Variants in CDH18 observed in about 807,000 individuals in gnomAD.
CDH18 encodes the protein cadherin-18.
Under a neutral mutation model 67.9 loss-of-function variants are expected in CDH18, and 31 were observed. That is an observed-to-expected ratio of 0.46 (90% CI 0.34 to 0.62). The LOEUF (loss-of-function observed/expected upper bound fraction) is 0.62, where lower values mean the gene tolerates loss of function less well. Ranked by LOEUF, CDH18 falls within the 20% of genes least tolerant of loss-of-function variation. CDH18 has a pLI of 0.01. For missense variants in CDH18, 890 were observed against 975.5 expected, an observed-to-expected ratio of 0.91 and a Z score of 1.17; for synonymous variants, 362 against 347.2, an observed-to-expected ratio of 1.04 and a Z score of -0.48.
At chr5:19,914,284 C>T (rs1465182666) in intron 2 of CDH18, among the ~76,000 whole-genome samples, 1 of 151,994 alleles carries the variant, frequency 6.6e-6, no homozygotes, top group African/African-American at 2.4e-5. Context: ...TATGCATTTA[C>T]AGTAATGTAA....
At chr5:20,140,852 C>T (rs1750190550) in intron 2 of CDH18, among the ~76,000 whole-genome samples, 1 of 152,072 alleles carries the variant, frequency 6.6e-6, no homozygotes, top group Admixed American at 6.6e-5. Context: ...TACTTATCTC[C>T]CTGTTTTGTG....
chr5:20,265,996 C>A (rs77209848), intron 1 of CDH18, among the ~76,000 whole-genome samples: 3,095 of 152,300 alleles, frequency 0.02, 55 homozygotes, highest in Non-Finnish European at 0.033. Context: ...GCACCCTCTG[C>A]TTGAGCTGGG....
chr5:19,488,406 A>G (rs1377611708), intron 11 of CDH18, among the ~76,000 whole-genome samples: 1 of 152,176 alleles, frequency 6.6e-6, no homozygotes, highest in Non-Finnish European at 1.5e-5. Context: ...AATATTTCCA[A>G]ATCTATCAGA....
At chr5:20,140,137 C>A (rs866042482) in intron 2 of CDH18, among the ~76,000 whole-genome samples, 31 of 152,186 alleles carry the variant, frequency 2.0e-4, no homozygotes, top group African/African-American at 7.0e-4. Context: ...ACTATGCAGC[C>A]ATAAAAAGGG....
chr5:19,967,305 TAAAG>T (rs1403860258), intron 2 of CDH18, among the ~76,000 whole-genome samples: 2 of 152,096 alleles, frequency 1.3e-5, no homozygotes, highest in Non-Finnish European at 2.9e-5. Context: ...CTTTTGACCT[TAAAG>T]AAATCATGGT....
chr5:20,062,142 T>TTATTATTATTATTAC (rs1266787427), intron 2 of CDH18, among the ~76,000 whole-genome samples: 7 of 143,180 alleles, frequency 4.9e-5, no homozygotes, highest in Non-Finnish European at 9.1e-5. Context: ...AAGCCCAGAA[T>TTATTATTATTATTAC]TATTATTATT....
intron 2 of CDH18, among the ~76,000 whole-genome samples, chr5:19,872,017 A>C (rs1786363334): frequency 6.6e-6 from 1 of 152,168 alleles, no homozygotes; most frequent in Admixed American, 6.5e-5. Context: ...GGTGAACCAA[A>C]TCCTTTCATT....
intron 2 of CDH18, among the ~76,000 whole-genome samples, chr5:20,227,878 T>C (rs1741759094): frequency 6.6e-6 from 1 of 152,082 alleles, no homozygotes; most frequent in Admixed American, 6.6e-5. Context: ...TCTACAACTT[T>C]TTCTCTCTTC....
intron 4 of CDH18, among the ~76,000 whole-genome samples, chr5:19,727,461 G>A (rs1766988758): frequency 6.6e-6 from 1 of 152,156 alleles, no homozygotes; most frequent in Non-Finnish European, 1.5e-5. Context: ...CGAACCACTA[G>A]ATGCTATGGG....
rs568980500 is a variant in CDH18 at position 20,033,206 on chromosome 5, A to T, written c.-517-41192T>A. On this transcript the variant is annotated intron_variant, in intron 2 of 14. Coordinates refer to the CDH18 transcript ENST00000507958. ...ACAAAGATTGGTATCTTCCTTTTTA[A>T]AAAAAAAAAATGCTTCCTCCTTTAC... Among the ~76,000 whole-genome samples the T allele has an allele frequency of 3.9e-3, 567 of 146,394 alleles. 2 individuals carry two copies. Among genetic ancestry groups the T allele is most frequent in the South Asian group, 0.018 (82 of 4,684 alleles).
intron 2 of CDH18, among the ~76,000 whole-genome samples, chr5:19,993,314 T>C (rs1351319758): frequency 6.6e-6 from 1 of 152,116 alleles, no homozygotes; most frequent in Non-Finnish European, 1.5e-5. Flanking sequence ...GACACAGTTA[T>C]CAAAAGTGTA....
At chr5:20,418,979 C>T (rs866729604) in intron 1 of CDH18, among the ~76,000 whole-genome samples, 2 of 151,974 alleles carry the variant, frequency 1.3e-5, no homozygotes, top group South Asian at 2.1e-4. Context: ...GTTGGTACTG[C>T]GCAAACTAGA....
chr5:19,733,456 A>G (rs887353575), intron 4 of CDH18, among the ~76,000 whole-genome samples: 1 of 151,820 alleles, frequency 6.6e-6, no homozygotes, highest in Admixed American at 6.6e-5. Flanking sequence ...AGACAACCCA[A>G]CTCTCCCATC....
At chr5:20,114,397 T>C (rs1008106759) in intron 2 of CDH18, among the ~76,000 whole-genome samples, 1 of 152,038 alleles carries the variant, frequency 6.6e-6, no homozygotes, top group African/African-American at 2.4e-5. Context: ...AATATTTACA[T>C]TTTAGAAAAT....
intron 2 of CDH18, among the ~76,000 whole-genome samples, chr5:20,050,880 T>G (rs938826084): frequency 6.6e-6 from 1 of 151,868 alleles, no homozygotes; most frequent in Admixed American, 6.6e-5. Flanking sequence ...CTTTTTCTTT[T>G]TTTGATAGAA....
intron 1 of CDH18, among the ~76,000 whole-genome samples, chr5:20,318,727 T>G (rs1436936025): frequency 2.0e-5 from 3 of 152,174 alleles, no homozygotes; most frequent in African/African-American, 7.2e-5. Flanking sequence ...ATTTACAGCC[T>G]GCAGAGCCAT....
At chr5:20,160,917 A>G (rs887885551) in intron 2 of CDH18, among the ~76,000 whole-genome samples, 2 of 152,264 alleles carry the variant, frequency 1.3e-5, no homozygotes, top group Non-Finnish European at 2.9e-5. Flanking sequence ...TTATAAAAAA[A>G]GAATAACTTG....
chr5:20,198,129 T>G (rs1561869610), intron 2 of CDH18, among the ~76,000 whole-genome samples: 1 of 152,154 alleles, frequency 6.6e-6, no homozygotes, highest in Non-Finnish European at 1.5e-5. Flanking sequence ...CAGAGCAGTG[T>G]GAGAGTGACT....
intron 1 of CDH18, among the ~76,000 whole-genome samples, chr5:20,471,626 G>T (rs888890882): frequency 6.6e-6 from 1 of 151,282 alleles, no homozygotes. Flanking sequence ...ATGGTGAAAC[G>T]CAGTCTCTAC....
Sources: allele counts gnomAD v4.1 joint callset (sites outside exome capture counted in the v4.1 genomes callset), GRCh38; gene constraint gnomAD v4.1.1; transcripts MANE v1.5; gene names NCBI Gene and HGNC (gene_info 2026-07-23, HGNC 2026-07-21).